Variants in DELE1 observed in about 807,000 individuals in gnomAD.
DELE1 encodes death ligand signal enhancer.
A neutral mutation model predicts 59.3 loss-of-function variants in DELE1; 54 were observed. The observed-to-expected ratio is 0.91, with a 90% CI of 0.73 to 1.14. The LOEUF is 1.14. DELE1 is among the 50% of genes most tolerant of loss of function. The pLI is 0.00. For missense variants in DELE1, 636 were observed against 643.9 expected (o/e 0.99, Z 0.13); for synonymous variants, 264 against 259.1 (o/e 1.02, Z -0.18).
At chr5:141,924,235 T>TGAAA (rs1428305178) in intron 1 of DELE1, among the ~76,000 whole-genome samples, 1 of 151,914 alleles carries the variant, frequency 6.6e-6, no homozygotes, top group African/African-American at 2.4e-5. Flanking sequence ...ACTGAATGAA[T>TGAAA]GAAAGAGGAT....
intron 2 of DELE1, among the ~76,000 whole-genome samples, chr5:141,925,084 C>T (rs979671706): frequency 6.6e-6 from 1 of 151,118 alleles, no homozygotes; most frequent in African/African-American, 2.4e-5. Context: ...TGCACCATCA[C>T]GCCTGGCTAA....
chr5:141,941,415 AG>A lies in DELE1; in HGVS notation c.*2659del, dbSNP rs1372841917. ...CAGAGTCGTGAGAAAGGTGTTGTCAAGGGACCAAAAATCCTTGGCTGTTCAG... is the reference window on the plus strand; with the variant it reads ...CAGAGTCGTGAGAAAGGTGTTGTCAAGGACCAAAAATCCTTGGCTGTTCAG... On this transcript the variant is annotated 3_prime_UTR_variant, in exon 12 of 12. Coordinates refer to ENST00000432126, the MANE Select transcript of DELE1 (RefSeq NM_014773.5). The A allele has an allele frequency of 2.0e-6, 2 of 985,426 alleles. No individual in the cohort carries two copies. The highest frequency in any genetic ancestry group is 2.4e-6 in the Non-Finnish European group (2 of 830,012). 61.0% of individuals were successfully genotyped at this position (985,426 alleles called of 1,614,324 possible).
chr5:141,933,848 G>A (rs1752135508), intron 8 of DELE1: 1 of 159,304 alleles, frequency 6.3e-6, no homozygotes, highest in Admixed American at 6.4e-5. Flanking sequence ...CATTCATGGT[G>A]TACTATTAAA....
At chr5:141,934,817 A>G (rs974155525) in intron 10 of DELE1, 5 of 550,070 alleles carry the variant, frequency 9.1e-6, no homozygotes, top group African/African-American at 7.6e-5. Context: ...AAAATCTGCT[A>G]TGGTGGGAAT....
intron 3 of DELE1, among the ~76,000 whole-genome samples, chr5:141,927,778 C>A (rs772921825): frequency 2.0e-4 from 31 of 152,136 alleles, no homozygotes; most frequent in Non-Finnish European, 2.6e-4. Flanking sequence ...ATCTTTTTGC[C>A]TGCTTAGTCT....
chr5:141,939,895 C>T lies in DELE1; in HGVS notation c.*1136C>T, dbSNP rs1029034616. 9.2e-6 allele frequency: 6 copies of T among 651,098 alleles called. No individual in the cohort carries two copies. The highest frequency in any genetic ancestry group is 2.0e-5 in the African/African-American group (1 of 50,408). 40.3% of individuals were successfully genotyped at this position (651,098 alleles called of 1,614,324 possible). A position where few individuals can be genotyped will look rare whatever the true frequency, so the allele number is the denominator to read the frequency against. ...CTTTGGCCCAGGAGGCAGTGATGCT[C>T]ATGGTTGCATGACTTTATGAGTCGC... is the stretch of plus-strand genomic sequence containing the variant. On this transcript the variant is annotated 3_prime_UTR_variant, in exon 12 of 12. Coordinates refer to ENST00000432126, the MANE Select transcript of DELE1 (RefSeq NM_014773.5).
intron 1 of DELE1, among the ~76,000 whole-genome samples, 174 bp from the exon 2 acceptor site, chr5:141,924,407 C>T (rs1460360604): frequency 6.6e-6 from 1 of 152,182 alleles, no homozygotes; most frequent in Non-Finnish European, 1.5e-5. Flanking sequence ...TTTTAAAAAA[C>T]GTGGATGCTC....
intron 7 of DELE1, among the ~76,000 whole-genome samples, chr5:141,931,640 A>T (rs1372917010): frequency 6.6e-6 from 1 of 152,148 alleles, no homozygotes; most frequent in East Asian, 1.9e-4. Context: ...GGATCTGGTT[A>T]TATTAATGAG....
chr5:141,933,936 C>T (rs571779441), intron 8 of DELE1: 4 of 197,558 alleles, frequency 2.0e-5, no homozygotes, highest in South Asian at 2.6e-4. Flanking sequence ...CACATATGTG[C>T]GTGCAAATGC....
rs201744346 is a variant in DELE1 at position 141,933,379 on chromosome 5, G to A, written c.875G>A (p.Gly292Asp). 7.3e-6 allele frequency: 11 copies of A among 1,515,658 alleles called. No individual in the cohort carries two copies. The highest frequency in any genetic ancestry group is 9.0e-6 in the Non-Finnish European group (10 of 1,112,960). 93.9% of individuals were successfully genotyped at this position (1,515,658 alleles called of 1,614,324 possible). Residue 292 changes from glycine to aspartate, a missense_variant, in exon 8 of 12, where the codon GGC becomes GAC. Physicochemically the swap from Gly to Asp is moderately conservative, Grantham distance 94. Coordinates refer to ENST00000432126, the MANE Select transcript of DELE1 (RefSeq NM_014773.5). ...GGCTTGTGTCATGAGCATGGCAGAG[G>A]CACCCCCAGGGACATTAGCAAGGTA... ...NAGLCHEHGR[G>D]TPRDISKAVL...
At chr5:141,924,740 CT>C (rs368894759) in intron 2 of DELE1, 45 bp downstream of exon 2, 20,725 of 1,053,286 alleles carry the variant, frequency 0.02, 55 homozygotes, top group East Asian at 0.059. Context: ...CCTAGTCACC[CT>C]TTTTTTTTAT....
At position 141,940,518 on chromosome 5, in the gene DELE1, G is replaced by C. The variant is rs1752676457; in HGVS notation, c.*1759G>C. The C allele has an allele frequency of 9.1e-6, 9 of 985,418 alleles. No homozygotes were observed. Among genetic ancestry groups the C allele is most frequent in the Non-Finnish European group, 1.1e-5 (9 of 829,946 alleles). 61.0% of individuals were successfully genotyped at this position (985,418 alleles called of 1,614,324 possible). A position where few individuals can be genotyped will look rare whatever the true frequency, so the allele number is the denominator to read the frequency against. ...AGGCAAGAAGATTTGAGGGGGGAAA[G>C]TTGTCCACGTTTCCCTCTCTGCTTC... On this transcript the variant is annotated 3_prime_UTR_variant, in exon 12 of 12. Transcript: ENST00000432126.
chr5:141,924,593 C>T lies in DELE1; in HGVS notation c.44C>T (p.Thr15Ile). The T allele has an allele frequency of 6.2e-7, 1 of 1,610,474 alleles. No homozygotes were observed. The highest frequency in any genetic ancestry group is 8.5e-7 in the Non-Finnish European group (1 of 1,176,688). The change falls in exon 2 of 12, where the codon ACA (threonine) becomes ATA (isoleucine). Residue 15 changes from threonine (T) to isoleucine (I), a missense_variant. Physicochemically the swap from Thr to Ile is moderately conservative, Grantham distance 89. Transcript: ENST00000432126. ...TTGTTCTGTACAGCTCTTCCCCGTA[C>T]ACTGGGACCTAGCCTCTGGAGGGTG... ...PGLLGRALPR[T>I]LGPSLWRVTP...
At chr5:141,927,357 G>A (rs112161743) in intron 3 of DELE1, among the ~76,000 whole-genome samples, 3,187 of 152,168 alleles carry the variant, frequency 0.021, 119 homozygotes, top group African/African-American at 0.073. Context: ...GCCCCACCAC[G>A]CCTGGCTAAT....
Position 141,939,846 on chromosome 5 carries a change from C to A in DELE1, c.*1087C>A. 3.6e-6 allele frequency: 2 copies of A among 560,324 alleles called. No individual in the cohort carries two copies. Among genetic ancestry groups the A allele is most frequent in the Non-Finnish European group, 4.5e-6 (2 of 441,638 alleles). 34.7% of individuals were successfully genotyped at this position (560,324 alleles called of 1,614,324 possible). ...AGAAGACAAATGCAAGGGCATTTCACCACAGAGAGGACCTTTGTGCTCACT... is the reference window on the plus strand; with the variant it reads ...AGAAGACAAATGCAAGGGCATTTCAACACAGAGAGGACCTTTGTGCTCACT... On this transcript the variant is annotated 3_prime_UTR_variant, in exon 12 of 12. Coordinates refer to ENST00000432126, the MANE Select transcript of DELE1 (RefSeq NM_014773.5).
At chr5:141,930,885 T>G (rs1234069403) in intron 7 of DELE1, among the ~76,000 whole-genome samples, 7 of 152,182 alleles carry the variant, frequency 4.6e-5, no homozygotes, top group Admixed American at 3.3e-4. Context: ...TGGGGTCTAG[T>G]GGGCAGATAG....
intron 3 of DELE1, among the ~76,000 whole-genome samples, chr5:141,926,662 A>T (rs996139941): frequency 6.6e-6 from 1 of 152,224 alleles, no homozygotes; most frequent in African/African-American, 2.4e-5. Flanking sequence ...TCTCATCTGT[A>T]AATTGGTGTC....
chr5:141,935,989 G>A (rs1752320179), intron 10 of DELE1, among the ~76,000 whole-genome samples: 2 of 152,238 alleles, frequency 1.3e-5, no homozygotes, highest in Admixed American at 6.5e-5. Context: ...CTTTTGGCCT[G>A]TGTGTTATAG....
chr5:141,937,446 T>C, intron 11 of DELE1, 89 bp downstream of exon 11: 1 of 1,461,484 alleles, frequency 6.8e-7, no homozygotes, highest in Non-Finnish European at 9.4e-7. Flanking sequence ...TCTGGTCTCC[T>C]AGTCATTTCC....
Sources: allele counts gnomAD v4.1 joint callset (sites outside exome capture counted in the v4.1 genomes callset), GRCh38; gene constraint gnomAD v4.1.1; transcripts MANE v1.5; gene names NCBI Gene and HGNC (gene_info 2026-07-23, HGNC 2026-07-21).